The following HDAC9 variants were observed in gnomAD, a reference collection of about 807,000 sequenced individuals.
HDAC9 encodes histone deacetylase 9.
HDAC9 carries 41 observed loss-of-function variants against 139.4 expected under a neutral mutation model. The ratio of observed to expected loss-of-function variants is 0.29; its 90% CI spans 0.23 to 0.38. The LOEUF is 0.38. HDAC9 is among the 10% of genes least tolerant of loss of function. The pLI is 1.00. For missense variants in HDAC9, 1,147 were observed against 1,297.0 expected, an observed-to-expected ratio of 0.88 and a Z score of 1.78; for synonymous variants, 517 against 476.2, an observed-to-expected ratio of 1.09 and a Z score of -1.12.
intron 1 of HDAC9, among the ~76,000 whole-genome samples, chr7:18,317,122 TAAATAAATA>T (rs1799709040): frequency 6.9e-6 from 1 of 144,114 alleles, no homozygotes; most frequent in Middle Eastern, 3.5e-3. Flanking sequence ...AATAAATAAA[TAAATAAATA>T]AATAAATAAA....
At chr7:18,295,354 A>C (rs1011715634) in intron 1 of HDAC9, among the ~76,000 whole-genome samples, 3 of 152,184 alleles carry the variant, frequency 2.0e-5, no homozygotes, top group African/African-American at 7.2e-5. Context: ...GCTAATAAAT[A>C]ATCAAAAAAT....
chr7:18,303,188 T>C (rs915622010), intron 1 of HDAC9, among the ~76,000 whole-genome samples: 7 of 152,174 alleles, frequency 4.6e-5, no homozygotes, highest in African/African-American at 1.7e-4. Flanking sequence ...CTATTAAGTT[T>C]TCAGAGATGG....
intron 1 of HDAC9, among the ~76,000 whole-genome samples, chr7:18,423,140 G>A (rs1038113361): frequency 6.6e-6 from 1 of 152,092 alleles, no homozygotes; most frequent in South Asian, 2.1e-4. Context: ...GAACACTATG[G>A]TTTATTCAGA....
chr7:18,663,980 C>A (rs567656731), intron 11 of HDAC9, among the ~76,000 whole-genome samples: 31 of 152,236 alleles, frequency 2.0e-4, no homozygotes, highest in African/African-American at 6.5e-4. Flanking sequence ...GGCATCCCAG[C>A]CAAAACTAGG....
intron 1 of HDAC9, among the ~76,000 whole-genome samples, chr7:18,349,086 TC>T (rs1300225560): frequency 2.6e-5 from 4 of 152,120 alleles, no homozygotes; most frequent in Non-Finnish European, 5.9e-5. Flanking sequence ...CATGAATTTC[TC>T]CCATTGGCTT....
chr7:18,996,697 A>T lies in HDAC9; in HGVS notation c.*635A>T, dbSNP rs929433652. 6.6e-6 allele frequency: 1 copy of T among 152,224 alleles called. No homozygotes were observed. Among genetic ancestry groups the T allele is most frequent in the Non-Finnish European group, 1.5e-5 (1 of 68,072 alleles). 9.4% of individuals were successfully genotyped at this position (152,224 alleles called of 1,614,324 possible). A position where few individuals can be genotyped will look rare whatever the true frequency, so the allele number is the denominator to read the frequency against. ...GCTTTTTTCAGTATCTCGAAGTCCAAATGCCAAAGGAACCTCACACACTGT... is the reference window on the plus strand; with the variant it reads ...GCTTTTTTCAGTATCTCGAAGTCCATATGCCAAAGGAACCTCACACACTGT... On this transcript the variant is annotated 3_prime_UTR_variant, in exon 26 of 26. Transcript: ENST00000686413.
chr7:18,482,520 A>G (rs968746160), intron 1 of HDAC9, among the ~76,000 whole-genome samples: 5 of 151,512 alleles, frequency 3.3e-5, no homozygotes, highest in Admixed American at 6.6e-5. Context: ...TCTTCCAGCA[A>G]TAAATACTTG....
At chr7:18,388,416 C>T (rs1445631345) in intron 1 of HDAC9, among the ~76,000 whole-genome samples, 1 of 152,142 alleles carries the variant, frequency 6.6e-6, no homozygotes, top group African/African-American at 2.4e-5. Flanking sequence ...TTTGTGCAGC[C>T]TGTGAGGATA....
rs992034014 is a variant in HDAC9 at position 18,098,582 on chromosome 7, C to T, written c.-97+11369C>T. Among the ~76,000 whole-genome samples, 19 of 152,234 alleles carry T rather than the reference C, an allele frequency of 1.2e-4. No individual in the cohort carries two copies. In the East Asian group the frequency reaches 3.5e-3, roughly 28 times the overall value. On this transcript the variant is annotated intron_variant, in intron 1 of 12. Transcript: ENST00000417496. Reference sequence around the variant, plus strand: ...TTGAGTGTGCATCAGCATTTCTGTTCAGGGCGATACACACAAAAGATTGTT... The same window carrying T: ...TTGAGTGTGCATCAGCATTTCTGTTTAGGGCGATACACACAAAAGATTGTT...
rs1306745320 is a variant in HDAC9, at chr7:19,000,282, A to G, written c.*4220A>G. ...ATAAAGTATTATAATGTATCTTGTC[A>G]CCTTCATCAACACCACCATTAAATA... On this transcript the variant is annotated 3_prime_UTR_variant, in exon 26 of 26. Transcript: ENST00000686413. 2 of 152,164 alleles carry G rather than the reference A, an allele frequency of 1.3e-5. No individual in the cohort carries two copies. The highest frequency in any genetic ancestry group is 2.4e-5 in the African/African-American group (1 of 41,428). The allele number at this position is 152,164 out of a possible 1,614,324, so 9.4% of individuals were successfully genotyped here.
In HDAC9 at chr7:18,180,984, G is replaced by A. The variant is rs2697914; in HGVS notation, c.25+18635G>A. ...TTGGGGTCACATTGCCTTCTTTTGCGTGTGTGTCAAATCTCCTCCTCCTTC... is the reference window on the plus strand; with the variant it reads ...TTGGGGTCACATTGCCTTCTTTTGCATGTGTGTCAAATCTCCTCCTCCTTC... On this transcript the variant is annotated intron_variant, in intron 2 of 12. Transcript: ENST00000417496. 8.7e-3 allele frequency among the ~76,000 whole-genome samples: 1,327 copies of A among 152,158 alleles called. 13 individuals are homozygous for A. The highest frequency in any genetic ancestry group is 0.013 in the Admixed American group (199 of 15,284).
chr7:18,420,103 A>T (rs1206627744), intron 1 of HDAC9, among the ~76,000 whole-genome samples: 1 of 152,228 alleles, frequency 6.6e-6, no homozygotes, highest in Admixed American at 6.5e-5. Flanking sequence ...AACCACTGAG[A>T]TTAGATAAAT....
intron 13 of HDAC9, among the ~76,000 whole-genome samples, chr7:18,732,563 GTA>G (rs1390059360): frequency 2.4e-3 from 307 of 129,988 alleles, no homozygotes; most frequent in African/African-American, 9.7e-3. Flanking sequence ...ATACACACGT[GTA>G]TATATGTGCA....
At chr7:18,801,390 TAA>T (rs1451540754) in intron 17 of HDAC9, among the ~76,000 whole-genome samples, 4 of 152,090 alleles carry the variant, frequency 2.6e-5, no homozygotes, top group East Asian at 1.9e-4. Context: ...CTTAATGTGA[TAA>T]GTTATATTAA....
intron 1 of HDAC9, among the ~76,000 whole-genome samples, chr7:18,375,075 GT>G (rs1418592145): frequency 6.6e-6 from 1 of 152,160 alleles, no homozygotes; most frequent in Non-Finnish European, 1.5e-5. Context: ...TTAAAATGTG[GT>G]TATGTAAACA....
intron 2 of HDAC9, among the ~76,000 whole-genome samples, chr7:18,229,765 C>G (rs1793326471): frequency 6.6e-6 from 1 of 152,006 alleles, no homozygotes. Flanking sequence ...TGAACATTTA[C>G]TTTTTAAGAC....
chr7:18,983,256 C>CTTATATGTGGTAACATATGTGGTAACAT (rs1292425388), intron 25 of HDAC9, among the ~76,000 whole-genome samples: 6 of 152,148 alleles, frequency 3.9e-5, no homozygotes, highest in Admixed American at 6.6e-5. Flanking sequence ...AAGGTTTCTC[C>CTTATATGTGGTAACATATGTGGTAACAT]ATGTGGTAAC....
intron 6 of HDAC9, among the ~76,000 whole-genome samples, chr7:18,618,773 T>C (rs1277380664): frequency 7.0e-6 from 1 of 143,346 alleles, no homozygotes; most frequent in Non-Finnish European, 1.5e-5. Context: ...TAGGAATTCG[T>C]TTGTTACAGA....
chr7:18,094,521 C>T (rs1782376362), intron 1 of HDAC9, among the ~76,000 whole-genome samples: 1 of 151,414 alleles, frequency 6.6e-6, no homozygotes, highest in South Asian at 2.1e-4. Context: ...ACCTTGAGCT[C>T]CTAGGCTCAA....
Sources: allele counts gnomAD v4.1 joint callset (sites outside exome capture counted in the v4.1 genomes callset), GRCh38; gene constraint gnomAD v4.1.1; transcripts MANE v1.5; gene names NCBI Gene and HGNC (gene_info 2026-07-23, HGNC 2026-07-21).